MAGI2: variants seen among roughly 807,000 people sequenced by gnomAD.
MAGI2 encodes membrane associated guanylate kinase, WW and PDZ domain containing 2, also known as membrane-associated guanylate kinase, WW and PDZ domain-containing protein 2.
In MAGI2, 35 loss-of-function variants were observed where a neutral mutation model predicts 133.3. That is an observed-to-expected ratio of 0.26 (90% CI 0.20 to 0.35). The LOEUF is 0.35. Ranked by LOEUF, MAGI2 falls within the 10% of genes least tolerant of loss-of-function variation. The pLI is 1.00. For missense variants in MAGI2, 1,636 were observed against 1,863.4 expected (o/e 0.88, Z 2.25); for synonymous variants, 729 against 710.6 (o/e 1.03, Z -0.41).
intron 9 of MAGI2, among the ~76,000 whole-genome samples, chr7:78,323,754 A>C (rs1475268457): frequency 6.6e-6 from 1 of 152,226 alleles, no homozygotes; most frequent in Non-Finnish European, 1.5e-5. Context: ...AATGACATAA[A>C]AATTATTGCA....
intron 3 of MAGI2, among the ~76,000 whole-genome samples, chr7:78,563,999 T>G (rs1045877882): frequency 6.6e-6 from 1 of 152,200 alleles, no homozygotes; most frequent in African/African-American, 2.4e-5. Flanking sequence ...TTTTTTAAGT[T>G]GCTAACACAT....
intron 10 of MAGI2, among the ~76,000 whole-genome samples, chr7:78,235,627 A>G (rs1343196325): frequency 2.6e-5 from 4 of 152,150 alleles, no homozygotes; most frequent in Non-Finnish European, 4.4e-5. Flanking sequence ...TTCTGCCATG[A>G]TTGTAAGTTT....
At chr7:79,342,942 T>C (rs568568771) in intron 1 of MAGI2, among the ~76,000 whole-genome samples, 5 of 151,832 alleles carry the variant, frequency 3.3e-5, no homozygotes, top group Non-Finnish European at 7.4e-5. Flanking sequence ...TGTATTGTTT[T>C]TAGTAGAAAG....
At chr7:78,573,233 A>AATATATATAT (rs1190975101) in intron 3 of MAGI2, among the ~76,000 whole-genome samples, 1 of 44,494 alleles carries the variant, frequency 2.2e-5, no homozygotes, top group Non-Finnish European at 3.8e-5. Context: ...TATAAATATA[A>AATATATATAT]ATATATATAT....
intron 1 of MAGI2, among the ~76,000 whole-genome samples, chr7:79,187,779 A>T (rs1431158122): frequency 6.6e-6 from 1 of 151,920 alleles, no homozygotes; most frequent in East Asian, 1.9e-4. Context: ...TTTCACAGAT[A>T]AACACACATA....
intron 10 of MAGI2, among the ~76,000 whole-genome samples, chr7:78,238,077 T>C (rs1024717414): frequency 2.0e-5 from 3 of 152,202 alleles, no homozygotes; most frequent in East Asian, 1.9e-4. Flanking sequence ...TACTAGGACA[T>C]GGTTTTTCTT....
chr7:78,624,623 A>C (rs932053866), intron 3 of MAGI2, among the ~76,000 whole-genome samples: 3 of 152,008 alleles, frequency 2.0e-5, no homozygotes, highest in Admixed American at 1.3e-4. Flanking sequence ...AGGGGAGAAA[A>C]ACCCACACTG....
intron 1 of MAGI2, among the ~76,000 whole-genome samples, chr7:79,103,384 T>C (rs796460316): frequency 1.3e-4 from 20 of 152,306 alleles, no homozygotes; most frequent in African/African-American, 4.8e-4. Flanking sequence ...TACACTGGGC[T>C]TTCCACTGAG....
intron 2 of MAGI2, among the ~76,000 whole-genome samples, chr7:78,984,996 CTT>C (rs142419894): frequency 5.8e-4 from 82 of 140,756 alleles, no homozygotes; most frequent in African/African-American, 1.2e-3. Context: ...TTCTTCTTTC[CTT>C]TTTTTTTTTT....
intron 2 of MAGI2, among the ~76,000 whole-genome samples, chr7:78,761,117 A>G (rs932595607): frequency 1.3e-5 from 2 of 152,256 alleles, no homozygotes; most frequent in Non-Finnish European, 2.9e-5. Flanking sequence ...AATGTGGGCC[A>G]GAGGCCAGAC....
chr7:78,197,105 TTAAC>T (rs1364171537), intron 11 of MAGI2, among the ~76,000 whole-genome samples: 3 of 152,266 alleles, frequency 2.0e-5, no homozygotes, highest in African/African-American at 7.2e-5. Flanking sequence ...GTAAAAATCT[TTAAC>T]TATGTACTTC....
intron 2 of MAGI2, among the ~76,000 whole-genome samples, chr7:78,830,515 T>A (rs1791050400): frequency 6.6e-6 from 1 of 152,190 alleles, no homozygotes; most frequent in South Asian, 2.1e-4. Flanking sequence ...TGTTTTAAAT[T>A]TTAAAATTTG....
intron 1 of MAGI2, among the ~76,000 whole-genome samples, chr7:79,254,942 T>C (rs920637512): frequency 6.6e-6 from 1 of 152,178 alleles, no homozygotes; most frequent in Non-Finnish European, 1.5e-5. Flanking sequence ...AGAGAGGCAC[T>C]AGAACAAGGA....
intron 2 of MAGI2, among the ~76,000 whole-genome samples, chr7:78,657,980 A>G (rs1287186772): frequency 6.6e-6 from 1 of 152,208 alleles, no homozygotes; most frequent in Non-Finnish European, 1.5e-5. Context: ...AATTAAGTCT[A>G]TTAAAAAAAA....
chr7:79,422,929 T>C (rs1585922956), intron 1 of MAGI2, among the ~76,000 whole-genome samples: 1 of 152,102 alleles, frequency 6.6e-6, no homozygotes. Context: ...CAATGTCTTA[T>C]ACATCATTGA....
intron 1 of MAGI2, among the ~76,000 whole-genome samples, chr7:79,206,549 ATGAG>A (rs1317098601): frequency 6.6e-6 from 1 of 151,942 alleles, no homozygotes; most frequent in Non-Finnish European, 1.5e-5. Flanking sequence ...CAGATCAATA[ATGAG>A]TAAGGATATT....
intron 1 of MAGI2, among the ~76,000 whole-genome samples, chr7:79,287,180 C>A (rs763637859): frequency 1.4e-4 from 21 of 152,058 alleles, no homozygotes; most frequent in Non-Finnish European, 3.1e-4. Flanking sequence ...GACCTCATCC[C>A]AGACCTACTG....
At chr7:78,510,549 TA>T (rs1244791785) in intron 4 of MAGI2, among the ~76,000 whole-genome samples, 2 of 152,140 alleles carry the variant, frequency 1.3e-5, no homozygotes, top group Admixed American at 6.5e-5. Context: ...ATTTTTAGAT[TA>T]GGGGTTTTCA....
intron 1 of MAGI2, among the ~76,000 whole-genome samples, chr7:79,333,716 T>C (rs960032818): frequency 1.3e-5 from 2 of 152,120 alleles, no homozygotes; most frequent in South Asian, 4.1e-4. Context: ...TTTAATTAAT[T>C]TGTTAACCAG....
Sources: gnomAD v4.1 joint callset for allele counts (sites outside exome capture counted in the v4.1 genomes callset) on GRCh38, gnomAD v4.1.1 for gene constraint, MANE v1.5 for transcripts, NCBI Gene and HGNC (gene_info 2026-07-23, HGNC 2026-07-21) for gene names.